U2AF1L4: variants seen among roughly 807,000 people sequenced by gnomAD.
U2AF1L4 encodes the protein splicing factor U2AF 26 kDa subunit.
In U2AF1L4, 21 loss-of-function variants were observed where a neutral mutation model predicts 21.7. The observed-to-expected ratio is 0.97, with a 90% CI of 0.69 to 1.39. The LOEUF is 1.39. U2AF1L4 is among the 40% of genes most tolerant of loss of function. U2AF1L4 has a pLI of 0.00. For synonymous variants in U2AF1L4, 92 were observed against 89.7 expected (o/e 1.03, Z -0.15); for missense variants, 259 against 245.7 (o/e 1.05, Z -0.36).
chr19:35,745,268 A>G, intron 1 of U2AF1L4, 56 bp from the exon 2 acceptor site: 7 of 1,603,172 alleles, frequency 4.4e-6, no homozygotes, highest in Admixed American at 1.7e-5. Context: ...TGGGCACCCC[A>G]GAAACACCGC....
intron 2 of U2AF1L4, 128 bp from the exon 3 acceptor site, chr19:35,744,549 G>A: frequency 1.3e-6 from 2 of 1,574,522 alleles, no homozygotes; most frequent in Non-Finnish European, 1.7e-6. Flanking sequence ...ACCTGGGGTG[G>A]GGGCGGGCAG....
At position 35,743,796 on chromosome 19, in the gene U2AF1L4, G is replaced by T; in HGVS notation, c.461+13C>A. ...AGGACATGAGGAGACATAGCAGGCT[G>T]GTCCTGAGGTACCTGCGCCTGGGTC... On this transcript the variant is annotated intron_variant, in intron 5 of 5. Transcript: ENST00000378975. 6.2e-7 allele frequency: 1 copy of T among 1,602,924 alleles called. No individual in the cohort carries two copies.
chr19:35,744,622 TCA>T (rs1471433846), intron 2 of U2AF1L4: 4 of 1,536,684 alleles, frequency 2.6e-6, no homozygotes, highest in African/African-American at 2.7e-5. Context: ...GGTCCCTTAC[TCA>T]CAGTGTGATC....
At chr19:35,743,127 C>G in intron 5 of U2AF1L4, 1 of 375,826 alleles carries the variant, frequency 2.7e-6, no homozygotes, top group Non-Finnish European at 4.8e-6. Context: ...AATCCCCACA[C>G]TTTGGGAGGC....
At chr19:35,743,989 A>T in intron 4 of U2AF1L4, 23 bp downstream of exon 4, 1 of 1,611,376 alleles carries the variant, frequency 6.2e-7, no homozygotes, top group Non-Finnish European at 8.5e-7. Flanking sequence ...CCAAGTGCCC[A>T]TCCCACCCTT....
intron 5 of U2AF1L4, chr19:35,743,156 T>G: frequency 3.1e-6 from 1 of 323,502 alleles, no homozygotes; most frequent in Non-Finnish European, 5.8e-6. Context: ...GTGGATTACC[T>G]GAGGTCCGGA....
In U2AF1L4 at chr19:35,744,136, C is replaced by G; in HGVS notation, c.241G>C (p.Glu81Gln). Residue 81 changes from glutamate (E) to glutamine (Q), a missense_variant, in exon 4 of 6, where the codon GAG becomes CAG. Glu to Gln is a conservative substitution (Grantham distance 29). Transcript: ENST00000378975. ...VGNVYVKFRR[E>Q]EDGERAVAEL... ...GCCACGGCCCGCTCTCCATCCTCCT[C>G]CCTCCGGAACTGCAGGAAATGTCAG... 1 of 1,613,772 alleles carries G rather than the reference C, an allele frequency of 6.2e-7. No homozygotes were observed. Among genetic ancestry groups the G allele is most frequent in the South Asian group, 1.1e-5 (1 of 91,072 alleles).
Position 35,745,120 on chromosome 19 carries a change from C to G in U2AF1L4, c.132+5G>C, listed in dbSNP as rs751686445. ...TAACCCCCGAGGCTCCGTGCCGGGT[C>G]TCACCTGGCTGAATGTCGGCTTGTT... On this transcript the variant is annotated splice_donor_5th_base_variant and intron_variant, in intron 2 of 5. Transcript: ENST00000378975. 8.1e-5 allele frequency: 130 copies of G among 1,612,652 alleles called. No individual in the cohort carries two copies. The highest frequency in any genetic ancestry group is 1.0e-4 in the Non-Finnish European group (123 of 1,179,810).
intron 5 of U2AF1L4, chr19:35,743,604 T>G: frequency 1.7e-6 from 1 of 599,656 alleles, no homozygotes. Flanking sequence ...AGAGAATTGC[T>G]TGAACCCGGG....
chr19:35,744,854 G>A, intron 2 of U2AF1L4: 1 of 863,808 alleles, frequency 1.2e-6, no homozygotes, highest in Admixed American at 2.2e-5. Context: ...AGGGATGGAG[G>A]GGACTGGCAA....
rs1269977576 is a variant in U2AF1L4, at chr19:35,744,335, G to A, written c.219C>T (p.Asn73=). 3.1e-6 allele frequency: 5 copies of A among 1,614,042 alleles called. No individual in the cohort carries two copies. The African/African-American group carries it at 5.3e-5, about 17-fold the overall frequency. ...GGGCAGCAAGCACCTTGACATAGAC[G>A]TTGCCCACGAGGTGGTCCCCAAGGT... ...CDNLGDHLVG[N]VYVKFRREED... The change falls in exon 3 of 6, where the codon AAC becomes AAT. Residue 73 remains asparagine (N), a synonymous_variant. Coordinates refer to ENST00000378975, the MANE Select transcript of U2AF1L4 (RefSeq NM_001040425.3).
Position 35,743,373 on chromosome 19 carries a change from CAAAAAAAA to C in U2AF1L4, c.461+428_461+435del, listed in dbSNP as rs536755635. ...GCGGAAGAAGAGCAAAACTCCGTCT[CAAAAAAAA>C]AAAAAAAAAAAAAAAAAAAAAACAG... On this transcript the variant is annotated intron_variant, in intron 5 of 5. Coordinates refer to ENST00000378975, the MANE Select transcript of U2AF1L4 (RefSeq NM_001040425.3). The C allele has an allele frequency of 1.8e-4, 14 of 78,282 alleles. No individual in the cohort carries two copies. In the East Asian group the frequency reaches 2.0e-3, roughly 11 times the overall value. The allele number at this position is 78,282 out of a possible 1,614,324, so 4.8% of individuals were successfully genotyped here. A position where few individuals can be genotyped will look rare whatever the true frequency, so the allele number is the denominator to read the frequency against.
chr19:35,744,649 G>A (rs1233645077), intron 2 of U2AF1L4: 2 of 1,536,360 alleles, frequency 1.3e-6, no homozygotes, highest in African/African-American at 1.4e-5. Flanking sequence ...TGCAGTTTGG[G>A]CTGTGTTCTG....
At position 35,744,364 on chromosome 19, in the gene U2AF1L4, C is replaced by T. The variant is rs200347648; in HGVS notation, c.190G>A (p.Asp64Asn). 2.2e-4 allele frequency: 352 copies of T among 1,614,168 alleles called. No individual in the cohort carries two copies. Among genetic ancestry groups the T allele is most frequent in the Non-Finnish European group, 2.8e-4 (329 of 1,180,042 alleles). ...YGEIEEMNVC[D>N]NLGDHLVGNV... ...CCCACGAGGTGGTCCCCAAGGTTGT[C>T]GCACACATTCATCTCTTCAATCTCC... The change falls in exon 3 of 6, where the codon GAC (aspartate) becomes AAC (asparagine). Residue 64 changes from aspartate to asparagine, a missense_variant. Asp to Asn is a conservative substitution (Grantham distance 23). Transcript: ENST00000378975.
In U2AF1L4 at chr19:35,745,001, GA is replaced by G. The variant is rs1034798558; in HGVS notation, c.132+123del. The G allele has an allele frequency of 1.6e-5, 16 of 1,005,902 alleles. No individual in the cohort carries two copies. The African/African-American group carries it at 2.0e-4, about 12-fold the overall frequency. 62.3% of individuals were successfully genotyped at this position (1,005,902 alleles called of 1,614,324 possible). A position where few individuals can be genotyped will look rare whatever the true frequency, so the allele number is the denominator to read the frequency against. On this transcript the variant is annotated intron_variant, in intron 2 of 5. Transcript: ENST00000378975. ...AGGAGCCTGCAGAAAGGTCCAATGA[GA>G]AAAAAAGCCGGGCGGTGGGGAGGGA...
Position 35,745,163 on chromosome 19 carries a change from G to A in U2AF1L4, c.94C>T (p.Arg32Trp), listed in dbSNP as rs759302841. 1 of 1,613,576 alleles carries A rather than the reference G, an allele frequency of 6.2e-7. No homozygotes were observed. Among genetic ancestry groups the A allele is most frequent in the Non-Finnish European group, 8.5e-7 (1 of 1,180,006 alleles). ...GGCTTGTTGTGAAGCCGGGAGCACC[G>A]GTCCCCGTGCCGGCAGACCCCGATC... The part of the protein sequence containing the change: ...FKIGVCRHGD[R>W]CSRLHNKPTF... The change falls in exon 2 of 6, where the codon CGG (arginine) becomes TGG (tryptophan). Residue 32 changes from arginine to tryptophan, a missense_variant. Arg to Trp is a moderately radical substitution (Grantham distance 101). Transcript: ENST00000378975.
chr19:35,743,518 T>C (rs1204687517), intron 5 of U2AF1L4: 1 of 399,962 alleles, frequency 2.5e-6, no homozygotes, highest in Non-Finnish European at 4.7e-6. Flanking sequence ...TGAAACCCCA[T>C]CTCTACTAAA....
At chr19:35,744,542 TG>T in intron 2 of U2AF1L4, 121 bp from the exon 3 acceptor site, 1 of 1,519,138 alleles carries the variant, frequency 6.6e-7, no homozygotes. Context: ...TCACATGACC[TG>T]GGGTGGGGGC....
intron 5 of U2AF1L4, chr19:35,743,233 C>A (rs1970353648): frequency 3.6e-6 from 1 of 281,102 alleles, no homozygotes; most frequent in South Asian, 2.9e-5. Flanking sequence ...ATTAGCCAGG[C>A]ATGGTGGCAG....
Sources: gnomAD v4.1 joint callset for allele counts on GRCh38, gnomAD v4.1.1 for gene constraint, MANE v1.5 for transcripts, NCBI Gene and HGNC (gene_info 2026-07-23, HGNC 2026-07-21) for gene names.